The following CDH13 variants were observed in gnomAD, a reference collection of about 807,000 sequenced individuals.
CDH13 encodes the protein cadherin 13, also known as cadherin-13.
In CDH13, 24 loss-of-function variants were observed where a neutral mutation model predicts 63.8. That is an observed-to-expected ratio of 0.38 (90% CI 0.27 to 0.53). The LOEUF is 0.53. Ranked by LOEUF, CDH13 falls within the 20% of genes least tolerant of loss-of-function variation. The pLI, the probability that CDH13 is intolerant of heterozygous loss-of-function variation, is 0.85. For missense variants in CDH13, 1,049 were observed against 903.1 expected, an observed-to-expected ratio of 1.16 and a Z score of -2.07; for synonymous variants, 503 against 355.3, an observed-to-expected ratio of 1.42 and a Z score of -4.67.
chr16:83,520,937 G>A (rs2074817635), intron 7 of CDH13, among the ~76,000 whole-genome samples: 1 of 149,004 alleles, frequency 6.7e-6, no homozygotes, highest in Non-Finnish European at 1.5e-5. Context: ...CAAGAGAAGT[G>A]TTCACAGGAA....
intron 1 of CDH13, among the ~76,000 whole-genome samples, chr16:82,827,838 T>G (rs2038327282): frequency 6.6e-6 from 1 of 152,184 alleles, no homozygotes. Flanking sequence ...GATGGTCAGA[T>G]GTGGTATGAG....
chr16:83,736,985 T>A (rs939785980), intron 10 of CDH13, among the ~76,000 whole-genome samples: 1 of 152,178 alleles, frequency 6.6e-6, no homozygotes, highest in Non-Finnish European at 1.5e-5. Flanking sequence ...GTTCCATTGT[T>A]TGCCAGGGAA....
chr16:83,184,146 TAA>T (rs545692184), intron 4 of CDH13, among the ~76,000 whole-genome samples: 5 of 123,320 alleles, frequency 4.1e-5, no homozygotes, highest in South Asian at 2.7e-4. Context: ...ACACAACTAG[TAA>T]AAAAAAAAAA....
At chr16:83,467,631 G>A (rs1401849935) in intron 6 of CDH13, among the ~76,000 whole-genome samples, 1 of 152,178 alleles carries the variant, frequency 6.6e-6, no homozygotes, top group Admixed American at 6.5e-5. Flanking sequence ...TTGGGCACGA[G>A]ACACCTGTGT....
intron 2 of CDH13, among the ~76,000 whole-genome samples, chr16:82,916,707 T>C (rs1173375797): frequency 6.6e-6 from 1 of 152,248 alleles, no homozygotes; most frequent in East Asian, 1.9e-4. Context: ...TTATGTTTGT[T>C]AAAATATTTT....
At chr16:83,787,316 T>C (rs1915951936) in intron 13 of CDH13, among the ~76,000 whole-genome samples, 1 of 152,196 alleles carries the variant, frequency 6.6e-6, no homozygotes, top group African/African-American at 2.4e-5. Context: ...TTTGTTTGTT[T>C]GTTTGTTTCT....
intron 11 of CDH13, among the ~76,000 whole-genome samples, chr16:83,764,581 A>C (rs574820828): frequency 7.9e-5 from 12 of 152,152 alleles, no homozygotes; most frequent in African/African-American, 2.9e-4. Flanking sequence ...CCAGTCCTCA[A>C]GCAAGACCCC....
intron 7 of CDH13, among the ~76,000 whole-genome samples, chr16:83,571,679 CA>C (rs1181290805): frequency 1.3e-5 from 2 of 152,180 alleles, no homozygotes; most frequent in African/African-American, 2.4e-5. Flanking sequence ...TGAGGAGGAC[CA>C]GGGGTAAAGT....
At chr16:82,771,933 T>C (rs1048188126) in intron 1 of CDH13, among the ~76,000 whole-genome samples, 1 of 152,212 alleles carries the variant, frequency 6.6e-6, no homozygotes, top group Non-Finnish European at 1.5e-5. Flanking sequence ...TATTTATAAC[T>C]CTTGACCCAC....
At chr16:83,654,157 C>A (rs1912654158) in intron 8 of CDH13, among the ~76,000 whole-genome samples, 1 of 152,014 alleles carries the variant, frequency 6.6e-6, no homozygotes, top group South Asian at 2.1e-4. Flanking sequence ...CCAGCAGAGA[C>A]TTGTAGGCAG....
chr16:83,537,311 A>C (rs1010505914), intron 7 of CDH13, among the ~76,000 whole-genome samples: 1 of 152,220 alleles, frequency 6.6e-6, no homozygotes, highest in African/African-American at 2.4e-5. Context: ...TCTATGCACA[A>C]AAATTTGTCC....
intron 10 of CDH13, among the ~76,000 whole-genome samples, chr16:83,686,961 G>C (rs879445930): frequency 2.0e-5 from 3 of 152,190 alleles, no homozygotes; most frequent in Non-Finnish European, 4.4e-5. Context: ...TGTAATCCCA[G>C]CACTTCGGGA....
chr16:82,748,303 T>C (rs941170896), intron 1 of CDH13, among the ~76,000 whole-genome samples: 2 of 152,212 alleles, frequency 1.3e-5, no homozygotes, highest in South Asian at 2.1e-4. Context: ...AGGGCTTCAT[T>C]GCACATGGCA....
chr16:82,841,850 C>G (rs1477072816), intron 1 of CDH13, among the ~76,000 whole-genome samples: 1 of 151,978 alleles, frequency 6.6e-6, no homozygotes, highest in Non-Finnish European at 1.5e-5. Context: ...CCATGAAAGA[C>G]AGTTGTACAC....
chr16:82,701,188 T>A, intron 1 of CDH13, among the ~76,000 whole-genome samples: 1 of 152,128 alleles, frequency 6.6e-6, no homozygotes, highest in African/African-American at 2.4e-5. Context: ...ATATTAGCTG[T>A]TAAATCCTGT....
chr16:83,338,396 G>A (rs1378310545), intron 5 of CDH13, among the ~76,000 whole-genome samples: 5 of 152,166 alleles, frequency 3.3e-5, no homozygotes, highest in Admixed American at 1.3e-4. Context: ...TCTTAAAGAG[G>A]CATAGCCTCT....
chr16:82,966,098 C>T (rs1907769225), intron 2 of CDH13, among the ~76,000 whole-genome samples: 2 of 152,174 alleles, frequency 1.3e-5, no homozygotes, highest in South Asian at 4.1e-4. Context: ...ATAGTAACTA[C>T]GTTGTCTTTA....
At chr16:82,938,701 A>G (rs2042742764) in intron 2 of CDH13, among the ~76,000 whole-genome samples, 1 of 152,216 alleles carries the variant, frequency 6.6e-6, no homozygotes. Context: ...AAGCATCAGT[A>G]CTGCACACAA....
At chr16:83,201,928 A>G (rs1339382226) in intron 4 of CDH13, among the ~76,000 whole-genome samples, 1 of 152,046 alleles carries the variant, frequency 6.6e-6, no homozygotes, top group Non-Finnish European at 1.5e-5. Flanking sequence ...AATAAATAAA[A>G]AAGATTGAGT....
Sources: allele counts gnomAD v4.1 joint callset (sites outside exome capture counted in the v4.1 genomes callset), GRCh38; gene constraint gnomAD v4.1.1; transcripts MANE v1.5; gene names NCBI Gene and HGNC (gene_info 2026-07-23, HGNC 2026-07-21).